Variants in PDE4D observed in about 807,000 individuals in gnomAD.
PDE4D encodes 3',5'-cyclic-AMP phosphodiesterase 4D.
In PDE4D, 24 loss-of-function variants were observed where a neutral mutation model predicts 87.4. The observed-to-expected ratio is 0.27, with a 90% CI of 0.20 to 0.39. The LOEUF is 0.39. PDE4D is among the 10% of genes least tolerant of loss of function. The pLI, the probability that PDE4D is intolerant of heterozygous loss-of-function variation, is 1.00. For synonymous variants in PDE4D, 384 were observed against 383.2 expected, an observed-to-expected ratio of 1.00 and a Z score of -0.02; for missense variants, 714 against 1,041.0, an observed-to-expected ratio of 0.69 and a Z score of 4.32.
At chr5:59,605,880 T>C (rs1248204180) in intron 1 of PDE4D, among the ~76,000 whole-genome samples, 1 of 152,044 alleles carries the variant, frequency 6.6e-6, no homozygotes, top group African/African-American at 2.4e-5. Flanking sequence ...AACTAATCCA[T>C]CTAAACGGGA....
At chr5:59,645,687 C>G (rs1438446250) in intron 1 of PDE4D, among the ~76,000 whole-genome samples, 1 of 152,110 alleles carries the variant, frequency 6.6e-6, no homozygotes, top group African/African-American at 2.4e-5. Flanking sequence ...TCAGGCACCA[C>G]AAGTCTGTGT....
intron 3 of PDE4D, among the ~76,000 whole-genome samples, chr5:59,982,448 A>G (rs1342841237): frequency 6.6e-6 from 1 of 152,120 alleles, no homozygotes; most frequent in Non-Finnish European, 1.5e-5. Context: ...AATGATTTCC[A>G]CATGTGTGGC....
In PDE4D at chr5:59,660,778, G is replaced by C. The variant is rs149053180; in HGVS notation, c.455+232390C>G. ...GTAAAATAGTTCCTGGAATATGTCT[G>C]ACAGTCATATGAATAGGATAAAAGC... On this transcript the variant is annotated intron_variant, in intron 1 of 14. Transcript: ENST00000340635. Among the ~76,000 whole-genome samples the C allele has an allele frequency of 7.2e-3, 1,089 of 152,206 alleles. 13 individuals carry two copies. The highest frequency in any genetic ancestry group is 0.011 in the Non-Finnish European group (748 of 68,004).
chr5:59,876,002 T>A (rs1748548858), intron 1 of PDE4D, among the ~76,000 whole-genome samples: 2 of 152,056 alleles, frequency 1.3e-5, no homozygotes, highest in Admixed American at 6.6e-5. Flanking sequence ...GAAAAATAAC[T>A]AATAGATGCT....
chr5:59,319,058 A>G (rs2153570306), intron 1 of PDE4D, among the ~76,000 whole-genome samples: 1 of 152,200 alleles, frequency 6.6e-6, no homozygotes, highest in Non-Finnish European at 1.5e-5. Flanking sequence ...CCTGCTTTCA[A>G]AATGCTCATA....
chr5:59,322,088 T>C (rs970060571), intron 1 of PDE4D, among the ~76,000 whole-genome samples: 1 of 152,092 alleles, frequency 6.6e-6, no homozygotes, highest in Non-Finnish European at 1.5e-5. Context: ...CTTAGGAAAA[T>C]TATGCCTCTT....
At chr5:59,794,417 G>C (rs932752533) in intron 1 of PDE4D, among the ~76,000 whole-genome samples, 1 of 152,118 alleles carries the variant, frequency 6.6e-6, no homozygotes, top group African/African-American at 2.4e-5. Context: ...CCATCTGTGA[G>C]GCTGGCACAG....
chr5:58,977,413 T>A, intron 11 of PDE4D, 68 bp from the exon 12 acceptor site: 1 of 1,477,468 alleles, frequency 6.8e-7, no homozygotes, highest in Non-Finnish European at 9.2e-7. Context: ...ATTCTTAAAA[T>A]TCTGGATTTA....
At position 59,295,124 on chromosome 5, in the gene PDE4D, G is replaced by A. The variant is rs377641172; in HGVS notation, c.456-79156C>T. On this transcript the variant is annotated intron_variant, in intron 1 of 14. Transcript: ENST00000340635. ...TTTCTCTCAGGTGGCACAAAAGCTT[G>A]ACAAAGCGTCCATGAACCATTTGAA... Among the ~76,000 whole-genome samples the A allele has an allele frequency of 2.6e-5, 4 of 152,254 alleles. No individual in the cohort carries two copies. In the East Asian group the frequency reaches 7.7e-4, roughly 29 times the overall value.
intron 1 of PDE4D, among the ~76,000 whole-genome samples, chr5:59,766,568 G>A (rs1000444614): frequency 2.0e-5 from 3 of 152,214 alleles, no homozygotes; most frequent in African/African-American, 7.2e-5. Context: ...GCTGAGTTGA[G>A]GGCCACTCAT....
intron 5 of PDE4D, among the ~76,000 whole-genome samples, chr5:59,066,841 T>C (rs1362358064): frequency 3.9e-5 from 6 of 151,986 alleles, no homozygotes; most frequent in Admixed American, 1.3e-4. Context: ...CCTTCCACCA[T>C]GTGAGGACAA....
chr5:59,875,304 A>G (rs866311063), intron 1 of PDE4D, among the ~76,000 whole-genome samples: 1 of 151,642 alleles, frequency 6.6e-6, no homozygotes, highest in Non-Finnish European at 1.5e-5. Flanking sequence ...TACTAGAAAT[A>G]ACAAAAATTA....
At chr5:59,133,796 C>T (rs1354807809) in intron 5 of PDE4D, among the ~76,000 whole-genome samples, 2 of 152,142 alleles carry the variant, frequency 1.3e-5, no homozygotes, top group Non-Finnish European at 2.9e-5. Context: ...TCCAGCTACA[C>T]GTGAGATGGA....
At chr5:60,444,327 A>G (rs773679904) in intron 1 of PDE4D, among the ~76,000 whole-genome samples, 16 of 152,074 alleles carry the variant, frequency 1.1e-4, no homozygotes, top group Non-Finnish European at 2.2e-4. Flanking sequence ...ATGTCCTGCC[A>G]TACATTCATT....
rs1251275296 is a variant in PDE4D, at chr5:59,850,610, A to G, written c.455+42558T>C. Among the ~76,000 whole-genome samples the G allele has an allele frequency of 3.9e-5, 6 of 152,188 alleles. No individual in the cohort carries two copies. The East Asian group carries it at 1.2e-3, about 30-fold the overall frequency. ...TTAAGAGGTCCAGCATGACTGAAAT[A>G]CAAAAATAGTTGGGGGAGGTGAAGG... On this transcript the variant is annotated intron_variant, in intron 1 of 14. Coordinates refer to ENST00000340635, the MANE Select transcript of PDE4D (RefSeq NM_001104631.2).
In PDE4D at chr5:59,900,265, C is replaced by T. The variant is rs1988330; in HGVS notation, c.272+88223G>A. Among the ~76,000 whole-genome samples the T allele has an allele frequency of 6.3e-3, 632 of 100,720 alleles. 6 individuals carry two copies. Among genetic ancestry groups the T allele is most frequent in the African/African-American group, 0.025 (528 of 21,338 alleles). The allele number at this position is 100,720 out of a possible 152,430, so 66.1% of individuals were successfully genotyped here. On this transcript the variant is annotated intron_variant, in intron 3 of 16. Transcript: ENST00000502484. ...AAAAAAAAATATATATATATATATA[C>T]ACACACACACACACACACACACATA...
intron 2 of PDE4D, among the ~76,000 whole-genome samples, chr5:60,105,271 G>A (rs1248177614): frequency 6.6e-6 from 1 of 152,178 alleles, no homozygotes; most frequent in African/African-American, 2.4e-5. Flanking sequence ...AGTGATGGAA[G>A]ATGAAATGAA....
chr5:59,938,237 T>C (rs563968345), intron 3 of PDE4D, among the ~76,000 whole-genome samples: 2 of 152,276 alleles, frequency 1.3e-5, no homozygotes, highest in African/African-American at 4.8e-5. Context: ...CTTTGTATCA[T>C]TGCTAAGGGT....
chr5:59,859,298 A>C (rs1298935642), intron 1 of PDE4D, among the ~76,000 whole-genome samples: 1 of 152,164 alleles, frequency 6.6e-6, no homozygotes, highest in African/African-American at 2.4e-5. Context: ...TGCTTCCTAA[A>C]GGACAGTTCG....
Sources: gnomAD v4.1 joint callset for allele counts (sites outside exome capture counted in the v4.1 genomes callset) on GRCh38, gnomAD v4.1.1 for gene constraint, MANE v1.5 for transcripts, NCBI Gene and HGNC (gene_info 2026-07-23, HGNC 2026-07-21) for gene names.